SNX13: variants seen among roughly 807,000 people sequenced by gnomAD.
The protein encoded by SNX13 is sorting nexin 13.
A neutral mutation model predicts 133.6 loss-of-function variants in SNX13; 45 were observed. That is an observed-to-expected ratio of 0.34 (90% CI 0.27 to 0.43). SNX13 has a LOEUF of 0.43. Among genes scored for constraint, SNX13 ranks in the 20% least tolerant of loss-of-function variants. The pLI is 1.00. For missense variants in SNX13, 1,032 were observed against 1,145.1 expected, an observed-to-expected ratio of 0.90 and a Z score of 1.43; for synonymous variants, 414 against 373.9, an observed-to-expected ratio of 1.11 and a Z score of -1.24.
chr7:17,852,400 G>A (rs1791333146), intron 9 of SNX13, among the ~76,000 whole-genome samples: 1 of 151,974 alleles, frequency 6.6e-6, no homozygotes, highest in Non-Finnish European at 1.5e-5. Context: ...AAAAAAGAGA[G>A]GGGAGGGGAG....
chr7:17,881,347 C>A (rs1795322599), intron 5 of SNX13: 1 of 151,936 alleles, frequency 6.6e-6, no homozygotes, highest in South Asian at 2.1e-4. Flanking sequence ...CAAACACACA[C>A]ACACACACGC....
chr7:17,815,292 A>G (rs528046307), intron 19 of SNX13, among the ~76,000 whole-genome samples: 1 of 152,348 alleles, frequency 6.6e-6, no homozygotes, highest in South Asian at 2.1e-4. Context: ...TCTAGGGTTA[A>G]CATTAAATAA....
In SNX13 at chr7:17,792,953, A is replaced by C. The variant is rs1264866240; in HGVS notation, c.*1092T>G. On this transcript the variant is annotated 3_prime_UTR_variant, in exon 26 of 26. Coordinates refer to ENST00000428135, the MANE Select transcript of SNX13 (RefSeq NM_015132.5). ...TGTAGAACTTTACATTATGTGAAAT[A>C]TAAATAAAAGCATATTTTTAAAAAT... 1 of 152,322 alleles carries C rather than the reference A, an allele frequency of 6.6e-6. No homozygotes were observed. The highest frequency in any genetic ancestry group is 1.5e-5 in the Non-Finnish European group (1 of 67,862). 9.4% of individuals were successfully genotyped at this position (152,322 alleles called of 1,614,324 possible). A position where few individuals can be genotyped will look rare whatever the true frequency, so the allele number is the denominator to read the frequency against.
chr7:17,835,138 C>T (rs1788988904), intron 13 of SNX13, among the ~76,000 whole-genome samples: 1 of 151,682 alleles, frequency 6.6e-6, no homozygotes, highest in Non-Finnish European at 1.5e-5. Flanking sequence ...TTCATTTACC[C>T]CATCTGTAAA....
At chr7:17,816,483 G>A (rs1363541021) in intron 18 of SNX13, among the ~76,000 whole-genome samples, 194 bp from the exon 19 acceptor site, 1 of 152,138 alleles carries the variant, frequency 6.6e-6, no homozygotes, top group Non-Finnish European at 1.5e-5. Flanking sequence ...CCAACATAGA[G>A]AGACCCTGTC....
At chr7:17,839,422 TG>T (rs1177629364) in intron 13 of SNX13, among the ~76,000 whole-genome samples, 1 of 151,770 alleles carries the variant, frequency 6.6e-6, no homozygotes, top group Non-Finnish European at 1.5e-5. Flanking sequence ...TTTCATTCAT[TG>T]GGGGGCTCTG....
intron 13 of SNX13, among the ~76,000 whole-genome samples, chr7:17,835,470 A>T (rs1451032647): frequency 6.6e-6 from 1 of 151,950 alleles, no homozygotes; most frequent in Non-Finnish European, 1.5e-5. Flanking sequence ...TGTTTTAAGA[A>T]CTTCAATTTC....
intron 1 of SNX13, among the ~76,000 whole-genome samples, chr7:17,913,843 A>G (rs993901172): frequency 1.1e-4 from 16 of 151,586 alleles, no homozygotes; most frequent in African/African-American, 3.9e-4. Context: ...ACAATACAAA[A>G]GCCAGTGTTT....
intron 2 of SNX13, among the ~76,000 whole-genome samples, chr7:17,893,686 G>C (rs1796886592): frequency 6.6e-6 from 1 of 152,050 alleles, no homozygotes. Flanking sequence ...AAAGAATCTT[G>C]TGACAAGGCC....
chr7:17,859,811 T>C (rs143661219), intron 9 of SNX13, among the ~76,000 whole-genome samples: 21 of 152,306 alleles, frequency 1.4e-4, no homozygotes, highest in Non-Finnish European at 2.8e-4. Context: ...GTTCATCATG[T>C]TGTAGGATAT....
intron 1 of SNX13, among the ~76,000 whole-genome samples, chr7:17,931,115 A>T (rs1027188684): frequency 2.6e-5 from 4 of 152,198 alleles, no homozygotes; most frequent in Non-Finnish European, 5.9e-5. Flanking sequence ...AGTGTTGAGC[A>T]GTTGGGTACC....
At chr7:17,878,049 T>A (rs977883272) in intron 5 of SNX13, among the ~76,000 whole-genome samples, 1 of 152,060 alleles carries the variant, frequency 6.6e-6, no homozygotes, top group Non-Finnish European at 1.5e-5. Flanking sequence ...AATCATGACA[T>A]GATAAATATG....
intron 9 of SNX13, among the ~76,000 whole-genome samples, chr7:17,857,818 A>T (rs1194149772): frequency 1.3e-5 from 2 of 152,182 alleles, no homozygotes; most frequent in African/African-American, 4.8e-5. Context: ...CATTAAAAAG[A>T]TTATTCACCA....
chr7:17,848,187 T>A (rs944807187), intron 11 of SNX13, among the ~76,000 whole-genome samples: 1 of 152,110 alleles, frequency 6.6e-6, no homozygotes, highest in Non-Finnish European at 1.5e-5. Flanking sequence ...AGGGACAGCT[T>A]GATGGCATAA....
At position 17,875,532 on chromosome 7, in the gene SNX13, C is replaced by T. The variant is rs768113905; in HGVS notation, c.612G>A (p.Met204Ile). The change falls in exon 7 of 26, where the codon ATG becomes ATA. Residue 204 changes from methionine to isoleucine, a missense_variant. Transcript: ENST00000428135. ...CTAGATCACGGCAAACCTCCTTCTC[C>T]ATTTCAACTTCAACTTCAAAGAAGG... ...VDTFFEVEVE[M>I]EKEVCRDLVC... 22 of 1,610,288 alleles carry T rather than the reference C, an allele frequency of 1.4e-5. No homozygotes were observed. Among genetic ancestry groups the T allele is most frequent in the Non-Finnish European group, 1.7e-5 (20 of 1,179,284 alleles).
intron 1 of SNX13, among the ~76,000 whole-genome samples, chr7:17,918,262 T>C (rs1194080586): frequency 6.6e-6 from 1 of 151,950 alleles, no homozygotes; most frequent in Non-Finnish European, 1.5e-5. Context: ...AATGCAACAA[T>C]ACCAAAAATT....
intron 20 of SNX13, among the ~76,000 whole-genome samples, chr7:17,805,265 G>GCGCGCGCGCGCGCGCGCGCA (rs771908159): frequency 6.4e-4 from 93 of 145,990 alleles, no homozygotes; most frequent in Admixed American, 1.6e-3. Flanking sequence ...GCGCGCGCGC[G>GCGCGCGCGCGCGCGCGCGCA]CATGCATGCA....
chr7:17,889,344 G>T (rs2127990754), intron 5 of SNX13: 1 of 152,246 alleles, frequency 6.6e-6, no homozygotes, highest in East Asian at 1.9e-4. Context: ...CAATGAGGTT[G>T]GGAAACACAT....
At chr7:17,875,937 T>A in intron 5 of SNX13, 147 bp from the exon 6 acceptor site, 1 of 592,786 alleles carries the variant, frequency 1.7e-6, no homozygotes, top group Non-Finnish European at 2.7e-6. Flanking sequence ...CTGTTAGTAC[T>A]GTTTCACAAG....
Sources: allele counts gnomAD v4.1 joint callset (sites outside exome capture counted in the v4.1 genomes callset), GRCh38; gene constraint gnomAD v4.1.1; transcripts MANE v1.5; gene names NCBI Gene and HGNC (gene_info 2026-07-23, HGNC 2026-07-21).